The following MIPEP variants were observed in gnomAD, a reference collection of about 807,000 sequenced individuals.
MIPEP encodes mitochondrial intermediate peptidase.
In MIPEP, 79 loss-of-function variants were observed where a neutral mutation model predicts 90.3. The observed-to-expected ratio is 0.87, with a 90% CI of 0.73 to 1.05. The LOEUF (loss-of-function observed/expected upper bound fraction) is 1.05. Ranked by LOEUF, MIPEP falls within the 50% of genes least tolerant of loss-of-function variation. The probability of loss-of-function intolerance (pLI) is 0.00; values close to 1 mark genes in which losing one functional copy is unlikely to be tolerated. For synonymous variants in MIPEP, 334 were observed against 315.8 expected (o/e 1.06, Z -0.61); for missense variants, 940 against 905.6 (o/e 1.04, Z -0.49).
chr13:23,843,152 A>T (rs544969958), intron 10 of MIPEP, among the ~76,000 whole-genome samples: 1 of 148,926 alleles, frequency 6.7e-6, no homozygotes, highest in Non-Finnish European at 1.5e-5. Flanking sequence ...GGCTGGGATG[A>T]GGAATGGAAA....
chr13:23,874,997 T>C, intron 4 of MIPEP, 88 bp from the exon 5 acceptor site: 1 of 1,095,406 alleles, frequency 9.1e-7, no homozygotes, highest in Non-Finnish European at 1.3e-6. Flanking sequence ...AATAAGTCTT[T>C]TTCAGCCTCA....
intron 18 of MIPEP, among the ~76,000 whole-genome samples, chr13:23,752,254 T>A (rs1416607554): frequency 6.6e-6 from 1 of 152,184 alleles, no homozygotes; most frequent in Non-Finnish European, 1.5e-5. Flanking sequence ...CAGAGGGCAA[T>A]ATGAAAACTT....
intron 16 of MIPEP, among the ~76,000 whole-genome samples, chr13:23,778,357 A>T (rs577500134): frequency 1.6e-4 from 24 of 152,328 alleles, no homozygotes; most frequent in African/African-American, 5.1e-4. Flanking sequence ...ACAAATCATG[A>T]TGTGTGCAAG....
intron 10 of MIPEP, among the ~76,000 whole-genome samples, chr13:23,846,474 T>C (rs937924744): frequency 9.8e-5 from 15 of 152,308 alleles, no homozygotes; most frequent in Admixed American, 2.0e-4. Context: ...TTGGGATATG[T>C]TTTGGATTTT....
rs578231587 is a variant in MIPEP, at chr13:23,831,533, G to A, written c.1653+4707C>T. Among the ~76,000 whole-genome samples, 3 of 152,294 alleles carry A rather than the reference G, an allele frequency of 2.0e-5. No individual in the cohort carries two copies. The East Asian group carries it at 5.8e-4, about 29-fold the overall frequency. On this transcript the variant is annotated intron_variant, in intron 14 of 18. Transcript: ENST00000382172. ...TCAAGACTGGGCAACACATCCGGCA[G>A]CTCCTGGTGAGAGCCTTGTGCTGCA... is the stretch of plus-strand genomic sequence containing the variant.
intron 14 of MIPEP, among the ~76,000 whole-genome samples, chr13:23,821,278 T>C (rs1332051664): frequency 6.6e-6 from 1 of 152,192 alleles, no homozygotes; most frequent in Non-Finnish European, 1.5e-5. Context: ...TAAACATGGA[T>C]TGAGAATTTA....
chr13:23,874,814 G>A, intron 5 of MIPEP, 32 bp downstream of exon 5: 5 of 1,545,332 alleles, frequency 3.2e-6, no homozygotes, highest in Non-Finnish European at 4.4e-6. Context: ...TAGTAAAACT[G>A]GAAGAGTCAA....
At chr13:23,888,776 T>G in intron 1 of MIPEP, 2 of 1,055,474 alleles carry the variant, frequency 1.9e-6, no homozygotes, top group Non-Finnish European at 2.3e-6. Flanking sequence ...ACTGTAGCGC[T>G]GGAGCTAAAG....
chr13:23,823,174 C>T (rs1233958421), intron 14 of MIPEP, among the ~76,000 whole-genome samples: 1 of 152,000 alleles, frequency 6.6e-6, no homozygotes, highest in African/African-American at 2.4e-5. Context: ...GAAAAATGGT[C>T]CGTAAGGAGG....
At chr13:23,741,319 T>C (rs1952326341) in intron 18 of MIPEP, among the ~76,000 whole-genome samples, 1 of 151,910 alleles carries the variant, frequency 6.6e-6, no homozygotes, top group Non-Finnish European at 1.5e-5. Context: ...CCATTACTGG[T>C]TAATATACAC....
chr13:23,768,534 G>C (rs1300698221), intron 16 of MIPEP, among the ~76,000 whole-genome samples: 2 of 152,086 alleles, frequency 1.3e-5, no homozygotes, highest in East Asian at 3.9e-4. Flanking sequence ...TGGGTAACAT[G>C]GTGATAACCC....
chr13:23,855,107 T>C (rs926078475), intron 10 of MIPEP, among the ~76,000 whole-genome samples: 3 of 152,312 alleles, frequency 2.0e-5, no homozygotes, highest in Non-Finnish European at 4.4e-5. Context: ...CTTCTTAACA[T>C]TGTTGATTTT....
Position 23,858,860 on chromosome 13 carries a change from C to T in MIPEP, c.1106G>A (p.Arg369Lys), listed in dbSNP as rs1460075723. The change falls in exon 10 of 19, where the codon AGG becomes AAG. Residue 369 changes from arginine to lysine, a missense_variant and splice_region_variant. Arg to Lys is a conservative substitution (Grantham distance 26). Coordinates refer to ENST00000382172, the MANE Select transcript of MIPEP (RefSeq NM_005932.4). ...TACGGGTATTTCTTGAAAAACTTAC[C>T]TTTCTGCACGAATCACACCACTGTA... ...PYYSGVIRAE[R>K]YNIEPSLYCP... is the part of the protein sequence containing the mutation. 3.7e-6 allele frequency: 6 copies of T among 1,613,286 alleles called. No individual in the cohort carries two copies. Among genetic ancestry groups the T allele is most frequent in the Non-Finnish European group, 1.7e-6 (2 of 1,179,494 alleles).
At chr13:23,877,307 A>C (rs370559515) in intron 4 of MIPEP, among the ~76,000 whole-genome samples, 49 of 152,276 alleles carry the variant, frequency 3.2e-4, no homozygotes, top group Admixed American at 9.8e-4. Context: ...GGTCGCTTGC[A>C]TGCTTCCTAG....
chr13:23,804,477 T>A (rs1953083125), intron 16 of MIPEP, among the ~76,000 whole-genome samples: 1 of 152,232 alleles, frequency 6.6e-6, no homozygotes, highest in Admixed American at 6.5e-5. Context: ...ATTCCATGAA[T>A]AAATAGTTAG....
intron 10 of MIPEP, among the ~76,000 whole-genome samples, chr13:23,853,696 G>C (rs1869908529): frequency 6.6e-6 from 1 of 152,052 alleles, no homozygotes; most frequent in African/African-American, 2.4e-5. Context: ...AAGTAGCTGG[G>C]ACTACAGGCA....
chr13:23,806,166 A>T lies in MIPEP; in HGVS notation c.1729-97T>A, dbSNP rs1355422692. The T allele has an allele frequency of 8.0e-6, 10 of 1,257,854 alleles. No individual in the cohort carries two copies. In the Admixed American group the frequency reaches 9.8e-5, roughly 12 times the overall value. The allele number at this position is 1,257,854 out of a possible 1,614,324, so 77.9% of individuals were successfully genotyped here. Reference sequence around the variant, plus strand: ...CTATAAGTGCACCAGAACAACAGTTACCAATCACAGTTGAAAACAGTCACA... The same window carrying T: ...CTATAAGTGCACCAGAACAACAGTTTCCAATCACAGTTGAAAACAGTCACA... On this transcript the variant is annotated intron_variant, in intron 15 of 18. Coordinates refer to ENST00000382172, the MANE Select transcript of MIPEP (RefSeq NM_005932.4).
At chr13:23,837,779 A>G in intron 12 of MIPEP, 23 bp from the exon 13 acceptor site, 3 of 1,559,470 alleles carry the variant, frequency 1.9e-6, no homozygotes, top group Non-Finnish European at 2.7e-6. Flanking sequence ...GAAAACATAA[A>G]AGGAAAAGAA....
At chr13:23,866,455 C>A (rs959687917) in intron 7 of MIPEP, among the ~76,000 whole-genome samples, 1 of 152,144 alleles carries the variant, frequency 6.6e-6, no homozygotes, top group Non-Finnish European at 1.5e-5. Context: ...GAGCTGGGTG[C>A]TGCAGGTCCA....
Sources: allele counts gnomAD v4.1 joint callset (sites outside exome capture counted in the v4.1 genomes callset), GRCh38; gene constraint gnomAD v4.1.1; transcripts MANE v1.5; gene names NCBI Gene and HGNC (gene_info 2026-07-23, HGNC 2026-07-21).